Variants in PSAT1 observed in about 807,000 individuals in gnomAD.
The protein encoded by PSAT1 is phosphoserine aminotransferase.
A neutral mutation model predicts 40.3 loss-of-function variants in PSAT1; 41 were observed. The ratio of observed to expected loss-of-function variants is 1.02; its 90% CI spans 0.79 to 1.32. The LOEUF (loss-of-function observed/expected upper bound fraction) is 1.32, where lower values mean the gene tolerates loss of function less well. PSAT1 is among the 40% of genes most tolerant of loss of function. PSAT1 has a pLI of 0.00. For synonymous variants in PSAT1, 147 were observed against 170.5 expected (o/e 0.86, Z 1.07); for missense variants, 406 against 455.8 (o/e 0.89, Z 0.99).
chr9:78,319,439 C>T (rs953092270), intron 7 of PSAT1, among the ~76,000 whole-genome samples: 22 of 152,190 alleles, frequency 1.4e-4, no homozygotes, highest in African/African-American at 5.3e-4. Context: ...GGAAGGGGTA[C>T]ACACTCTGCA....
chr9:78,320,177 C>A (rs1179720607), intron 7 of PSAT1, among the ~76,000 whole-genome samples: 1 of 151,276 alleles, frequency 6.6e-6, no homozygotes, highest in African/African-American at 2.4e-5. Flanking sequence ...ACCTATTCAC[C>A]CATCTACCCA....
chr9:78,326,955 A>ATATTTTTTTTTTTTTTTTTTTTT, intron 7 of PSAT1, among the ~76,000 whole-genome samples: 1 of 75,934 alleles, frequency 1.3e-5, no homozygotes, highest in African/African-American at 9.5e-5. Flanking sequence ...ATATATATAT[A>ATATTTTTTTTTTTTTTTTTTTTT]TTTTTTTTTT....
intron 6 of PSAT1, among the ~76,000 whole-genome samples, chr9:78,312,839 G>T (rs915267300): frequency 8.5e-5 from 13 of 152,176 alleles, no homozygotes; most frequent in African/African-American, 1.9e-4. Flanking sequence ...TCACAGAGGG[G>T]TGTGTAGTGG....
chr9:78,306,760 G>C (rs554180015), intron 5 of PSAT1, among the ~76,000 whole-genome samples: 3 of 152,212 alleles, frequency 2.0e-5, no homozygotes, highest in Non-Finnish European at 4.4e-5. Flanking sequence ...TCTTAGAAAC[G>C]TGTTTGGTCA....
At chr9:78,309,419 G>A (rs1191637115) in intron 6 of PSAT1, among the ~76,000 whole-genome samples, 4 of 152,220 alleles carry the variant, frequency 2.6e-5, no homozygotes, top group African/African-American at 4.8e-5. Context: ...CTGGAGTGCA[G>A]TGGCATGATC....
At chr9:78,302,079 G>T (rs1828115896) in intron 3 of PSAT1, 56 bp downstream of exon 3, 2 of 1,210,664 alleles carry the variant, frequency 1.7e-6, no homozygotes, top group African/African-American at 3.0e-5. Context: ...CCTAAATCTG[G>T]ATGTCTTCCA....
At position 78,329,261 on chromosome 9, in the gene PSAT1, G is replaced by T; in HGVS notation, c.*175G>T. On this transcript the variant is annotated 3_prime_UTR_variant, in exon 9 of 9. Transcript: ENST00000376588. ...ATCCACAACTCTGTAAAGCTGGTGG[G>T]ACCTAATGTCACCTTAATTCTGACT... 1.6e-6 allele frequency: 1 copy of T among 612,972 alleles called. No homozygotes were observed. Among genetic ancestry groups the T allele is most frequent in the South Asian group, 1.9e-5 (1 of 51,638 alleles). The allele number at this position is 612,972 out of a possible 1,614,324, so 38.0% of individuals were successfully genotyped here. A position where few individuals can be genotyped will look rare whatever the true frequency, so the allele number is the denominator to read the frequency against.
Position 78,329,418 on chromosome 9 carries a change from A to G in PSAT1, c.*332A>G, listed in dbSNP as rs753980162. On this transcript the variant is annotated 3_prime_UTR_variant, in exon 9 of 9. Transcript: ENST00000376588. ...TTAATAATGCAAGTTGCGATTAATT[A>G]TTTCTGGAGTCATGGGAACACACAG... 3 of 358,678 alleles carry G rather than the reference A, an allele frequency of 8.4e-6. No individual in the cohort carries two copies. The highest frequency in any genetic ancestry group is 6.8e-5 in the South Asian group (3 of 44,360). The allele number at this position is 358,678 out of a possible 1,614,324, so 22.2% of individuals were successfully genotyped here. A position where few individuals can be genotyped will look rare whatever the true frequency, so the allele number is the denominator to read the frequency against.
chr9:78,322,234 G>A (rs1321592063), intron 7 of PSAT1, among the ~76,000 whole-genome samples: 1 of 151,766 alleles, frequency 6.6e-6, no homozygotes, highest in Non-Finnish European at 1.5e-5. Context: ...TGGGTACCAG[G>A]CCTTAGGAAA....
intron 7 of PSAT1, among the ~76,000 whole-genome samples, chr9:78,326,225 G>A (rs1465714622): frequency 6.6e-6 from 1 of 152,014 alleles, no homozygotes; most frequent in East Asian, 1.9e-4. Context: ...GCCTTTATTT[G>A]CTGTAATTTT....
intron 1 of PSAT1, among the ~76,000 whole-genome samples, chr9:78,299,322 C>T (rs1828073612): frequency 6.6e-6 from 1 of 151,498 alleles, no homozygotes; most frequent in South Asian, 2.1e-4. Context: ...TCAATGAATG[C>T]TGTCTATAAG....
intron 6 of PSAT1, among the ~76,000 whole-genome samples, chr9:78,311,200 G>A (rs535141085): frequency 1.0e-3 from 152 of 152,312 alleles, no homozygotes; most frequent in African/African-American, 3.1e-3. Context: ...CAGGCTGAGC[G>A]GTGAGGGTGC....
In PSAT1 at chr9:78,301,997, T is replaced by C. The variant is rs1171176577; in HGVS notation, c.165T>C (p.Asn55=). 1 of 1,611,532 alleles carries C rather than the reference T, an allele frequency of 6.2e-7. No individual in the cohort carries two copies. The highest frequency in any genetic ancestry group is 1.3e-5 in the African/African-American group (1 of 74,856). ...RSSDFAKIIN[N]TENLVRELLA... ...CAGATTTTGCCAAGATTATTAACAA[T>C]ACAGAGAATCTTGTGCGGGAATTGC... The change falls in exon 3 of 9, where the codon AAT becomes AAC. Residue 55 remains asparagine, a synonymous_variant. Coordinates refer to ENST00000376588, the MANE Select transcript of PSAT1 (RefSeq NM_058179.4).
chr9:78,301,491 T>A (rs901907203), intron 2 of PSAT1, among the ~76,000 whole-genome samples: 6 of 152,222 alleles, frequency 3.9e-5, no homozygotes, highest in African/African-American at 1.4e-4. Context: ...GAAGACTGCA[T>A]GGTATTAAGA....
At chr9:78,299,211 G>GGAA (rs1828071502) in intron 1 of PSAT1, among the ~76,000 whole-genome samples, 1 of 140,408 alleles carries the variant, frequency 7.1e-6, no homozygotes, top group Non-Finnish European at 1.5e-5. Flanking sequence ...TCTTCAACTG[G>GGAA]AAAAAAAAAA....
In PSAT1 at chr9:78,304,912, C is replaced by A. The variant is rs762328288; in HGVS notation, c.369C>A (p.Ile123=). 6.2e-7 allele frequency: 1 copy of A among 1,612,816 alleles called. No individual in the cohort carries two copies. The highest frequency in any genetic ancestry group is 8.5e-7 in the Non-Finnish European group (1 of 1,180,038). Residue 123 remains isoleucine (I), a synonymous_variant, in exon 4 of 9, where the codon ATC becomes ATA. Transcript: ENST00000376588. Reference sequence around the variant, plus strand: ...CCAAGAAGTTTGGGACTATAAATATCGTTCACCCTAAACTTGGGAGTTATA... The same window carrying A: ...CCAAGAAGTTTGGGACTATAAATATAGTTCACCCTAAACTTGGGAGTTATA... The part of the protein sequence containing the change: ...EEAKKFGTIN[I]VHPKLGSYTK...
chr9:78,326,774 C>T (rs1828502789), intron 7 of PSAT1, among the ~76,000 whole-genome samples: 1 of 151,342 alleles, frequency 6.6e-6, no homozygotes, highest in African/African-American at 2.4e-5. Context: ...GGGGGTTCTT[C>T]TGCTGGTCTT....
At position 78,306,414 on chromosome 9, in the gene PSAT1, C is replaced by T. The variant is rs746877540; in HGVS notation, c.498C>T (p.Pro166=). Residue 166 remains proline (P), a synonymous_variant, in exon 5 of 9, where the codon CCC becomes CCT. Coordinates refer to ENST00000376588, the MANE Select transcript of PSAT1 (RefSeq NM_058179.4). ...TVHGVEFDFI[P]DVKGAVLVCD... ...ATGGTGTGGAGTTTGACTTTATACC[C>T]GATGTCAAGGGAGCAGTACTGGTTT... 2.2e-5 allele frequency: 36 copies of T among 1,613,954 alleles called. No individual in the cohort carries two copies. Among genetic ancestry groups the T allele is most frequent in the East Asian group, 4.5e-5 (2 of 44,898 alleles).
In PSAT1 at chr9:78,329,129, A is replaced by G. The variant is rs762410248; in HGVS notation, c.*43A>G. ...TATACTCTGTTCTTGAACAACATAC[A>G]AAGTTTAAAGTAACTTGGGGATGGC... On this transcript the variant is annotated 3_prime_UTR_variant, in exon 9 of 9. Transcript: ENST00000376588. The G allele has an allele frequency of 7.2e-7, 1 of 1,382,568 alleles. No homozygotes were observed. The highest frequency in any genetic ancestry group is 1.0e-6 in the Non-Finnish European group (1 of 971,020). 85.6% of individuals were successfully genotyped at this position (1,382,568 alleles called of 1,614,324 possible).
Sources: gnomAD v4.1 joint callset for allele counts (sites outside exome capture counted in the v4.1 genomes callset) on GRCh38, gnomAD v4.1.1 for gene constraint, MANE v1.5 for transcripts, NCBI Gene and HGNC (gene_info 2026-07-23, HGNC 2026-07-21) for gene names.